The following DISC1 variants were observed in gnomAD, a reference collection of about 807,000 sequenced individuals.
The protein encoded by DISC1 is disrupted in schizophrenia 1 protein.
Under a neutral mutation model 84.5 loss-of-function variants are expected in DISC1, and 57 were observed. The observed-to-expected ratio is 0.67, with a 90% CI of 0.55 to 0.84. The LOEUF (loss-of-function observed/expected upper bound fraction) is 0.84. Ranked by LOEUF, DISC1 falls within the 40% of genes least tolerant of loss-of-function variation. The probability of loss-of-function intolerance (pLI) is 0.00; values close to 1 mark genes in which losing one functional copy is unlikely to be tolerated. For missense variants in DISC1, 1,000 were observed against 1,057.8 expected, an observed-to-expected ratio of 0.95 and a Z score of 0.76; for synonymous variants, 411 against 415.2, an observed-to-expected ratio of 0.99 and a Z score of 0.12.
At chr1:231,636,274 T>C (rs1474755466) in intron 1 of DISC1, among the ~76,000 whole-genome samples, 2 of 152,192 alleles carry the variant, frequency 1.3e-5, no homozygotes, top group Non-Finnish European at 2.9e-5. Flanking sequence ...TTCTCCTCTG[T>C]AGGGTGGCAG....
intron 10 of DISC1, among the ~76,000 whole-genome samples, chr1:231,988,432 A>G (rs1664757579): frequency 6.6e-6 from 1 of 152,206 alleles, no homozygotes; most frequent in African/African-American, 2.4e-5. Flanking sequence ...AAATTCATAT[A>G]TTTGGACCTA....
chr1:231,821,900 C>T (rs2125779234), intron 9 of DISC1, among the ~76,000 whole-genome samples: 1 of 152,044 alleles, frequency 6.6e-6, no homozygotes, highest in Non-Finnish European at 1.5e-5. Flanking sequence ...GGGGTTTCAC[C>T]ATGTTGGCCA....
intron 4 of DISC1, among the ~76,000 whole-genome samples, chr1:231,759,552 C>CAAAA (rs1359575315): frequency 1.1e-4 from 7 of 64,334 alleles, no homozygotes; most frequent in African/African-American, 3.8e-4. Flanking sequence ...AAAAAAAAAA[C>CAAAA]AAAACTAGCC....
intron 3 of DISC1, among the ~76,000 whole-genome samples, chr1:231,705,145 G>C (rs567374543): frequency 6.6e-6 from 1 of 151,038 alleles, no homozygotes; most frequent in Admixed American, 6.6e-5. Context: ...AAAATTAGCC[G>C]GGCATGGTAA....
At chr1:231,710,903 A>G (rs1428729869) in intron 3 of DISC1, among the ~76,000 whole-genome samples, 1 of 152,228 alleles carries the variant, frequency 6.6e-6, no homozygotes, top group East Asian at 1.9e-4. Flanking sequence ...CAAAACAGGA[A>G]GCCTAAAGGG....
intron 4 of DISC1, among the ~76,000 whole-genome samples, chr1:231,764,672 C>G (rs973728860): frequency 6.6e-6 from 1 of 152,058 alleles, no homozygotes; most frequent in African/African-American, 2.4e-5. Flanking sequence ...TCTTGGGCTA[C>G]TAAGAAAAAA....
intron 1 of DISC1, among the ~76,000 whole-genome samples, chr1:231,686,876 A>G (rs2125597633): frequency 6.6e-6 from 1 of 152,292 alleles, no homozygotes; most frequent in South Asian, 2.1e-4. Flanking sequence ...TTCTTCCGCC[A>G]GATACCCTAA....
At chr1:231,959,491 T>A in intron 10 of DISC1, 1 of 985,378 alleles carries the variant, frequency 1.0e-6, no homozygotes, top group South Asian at 4.7e-5. Flanking sequence ...AGTACTAGAG[T>A]GGAATATGCG....
At chr1:231,719,513 A>G (rs568939451) in intron 3 of DISC1, among the ~76,000 whole-genome samples, 13 of 152,350 alleles carry the variant, frequency 8.5e-5, no homozygotes, top group African/African-American at 3.1e-4. Context: ...TGCTAGCTGT[A>G]TAAGCTTGGA....
At chr1:231,866,777 G>A in intron 9 of DISC1, 2 of 1,202,010 alleles carry the variant, frequency 1.7e-6, no homozygotes, top group South Asian at 2.9e-5. Context: ...TGACGAAAGG[G>A]TATAATTAAT....
intron 1 of DISC1, among the ~76,000 whole-genome samples, chr1:231,686,259 C>T (rs1006266146): frequency 6.6e-6 from 1 of 152,232 alleles, no homozygotes; most frequent in Non-Finnish European, 1.5e-5. Context: ...GCTCCAACCC[C>T]ATATTTCCCT....
intron 4 of DISC1, among the ~76,000 whole-genome samples, chr1:231,759,544 A>AC (rs1276021523): frequency 2.7e-5 from 4 of 148,910 alleles, no homozygotes; most frequent in African/African-American, 5.0e-5. Context: ...AAAAAAAAAA[A>AC]AAAAAAACAA....
intron 10 of DISC1, among the ~76,000 whole-genome samples, chr1:231,968,531 G>A (rs1197537390): frequency 1.3e-5 from 2 of 148,528 alleles, no homozygotes; most frequent in East Asian, 4.0e-4. Context: ...GGCGGAGCTT[G>A]CAGTGAGCCG....
chr1:231,774,883 G>C (rs1268710667), intron 6 of DISC1: 2 of 388,314 alleles, frequency 5.2e-6, no homozygotes, highest in Non-Finnish European at 1.0e-5. Context: ...CCTAATTTTT[G>C]CTATGAAGTA....
chr1:231,935,881 A>T (rs1386976606), intron 9 of DISC1, among the ~76,000 whole-genome samples: 3 of 152,236 alleles, frequency 2.0e-5, no homozygotes, highest in African/African-American at 7.2e-5. Context: ...GGTTGAACGT[A>T]TGGAAGTTAC....
chr1:231,955,489 T>A (rs35476114), intron 9 of DISC1, among the ~76,000 whole-genome samples: 17,572 of 96,606 alleles, frequency 0.18, 1,693 homozygotes, highest in African/African-American at 0.43. Context: ...TTCTTGACTT[T>A]TTTTTTTTTT....
intron 6 of DISC1, among the ~76,000 whole-genome samples, chr1:231,786,839 C>A (rs2077902426): frequency 6.6e-6 from 1 of 152,150 alleles, no homozygotes; most frequent in Admixed American, 6.5e-5. Flanking sequence ...ACTGCGTCCA[C>A]CCTTGGGAGC....
chr1:231,731,334 A>G (rs953864944), intron 3 of DISC1, among the ~76,000 whole-genome samples: 2 of 152,248 alleles, frequency 1.3e-5, no homozygotes, highest in Non-Finnish European at 2.9e-5. Context: ...GCAGTTCTGC[A>G]GTAATATTTA....
chr1:231,907,558 G>A (rs1335693018), intron 9 of DISC1, among the ~76,000 whole-genome samples: 12 of 152,076 alleles, frequency 7.9e-5, no homozygotes, highest in Admixed American at 7.9e-4. Context: ...TGCCACATTT[G>A]CTTAATCCAG....
Sources: allele counts gnomAD v4.1 joint callset (sites outside exome capture counted in the v4.1 genomes callset), GRCh38; gene constraint gnomAD v4.1.1; transcripts MANE v1.5; gene names NCBI Gene and HGNC (gene_info 2026-07-23, HGNC 2026-07-21).